The following PSMD14 variants were observed in gnomAD, a reference collection of about 807,000 sequenced individuals.
PSMD14 encodes proteasome 26S subunit, non-ATPase 14.
Under a neutral mutation model 41.2 loss-of-function variants are expected in PSMD14, and 7 were observed. The observed-to-expected ratio is 0.17, with a 90% CI of 0.10 to 0.32. PSMD14 has a LOEUF of 0.32. Among genes scored for constraint, PSMD14 ranks in the 10% least tolerant of loss-of-function variants. PSMD14 has a pLI of 1.00. For missense variants in PSMD14, 139 were observed against 375.6 expected (o/e 0.37, Z 5.21); for synonymous variants, 114 against 122.3 (o/e 0.93, Z 0.45).
chr2:161,350,009 A>C (rs1452310227), intron 3 of PSMD14, among the ~76,000 whole-genome samples: 2 of 152,230 alleles, frequency 1.3e-5, no homozygotes, highest in Non-Finnish European at 2.9e-5. Context: ...GGAACTGGGA[A>C]TGTCCATTTG....
chr2:161,354,431 G>T (rs1234616266), intron 3 of PSMD14, among the ~76,000 whole-genome samples: 1 of 152,082 alleles, frequency 6.6e-6, no homozygotes, highest in East Asian at 1.9e-4. Context: ...GTTTTTTGTA[G>T]AGACGGTTTC....
intron 10 of PSMD14, among the ~76,000 whole-genome samples, chr2:161,407,102 T>G (rs1388829915): frequency 6.6e-6 from 1 of 152,136 alleles, no homozygotes; most frequent in Admixed American, 6.6e-5. Context: ...TAACACTGAA[T>G]GGGTATGGAG....
intron 3 of PSMD14, among the ~76,000 whole-genome samples, chr2:161,320,487 G>A (rs928157462): frequency 6.6e-6 from 1 of 151,962 alleles, no homozygotes; most frequent in Non-Finnish European, 1.5e-5. Flanking sequence ...CTTTTTTGAA[G>A]TTAAAAATCT....
At chr2:161,349,442 A>G (rs571165426) in intron 3 of PSMD14, among the ~76,000 whole-genome samples, 1 of 152,334 alleles carries the variant, frequency 6.6e-6, no homozygotes, top group South Asian at 2.1e-4. Flanking sequence ...GCATTTATTT[A>G]TAAAGAGATT....
At chr2:161,363,094 A>C (rs1461839275) in intron 3 of PSMD14, among the ~76,000 whole-genome samples, 2 of 152,224 alleles carry the variant, frequency 1.3e-5, no homozygotes, top group East Asian at 3.8e-4. Context: ...ACCTCCTGTC[A>C]GATCAGTGGC....
Position 161,310,615 on chromosome 2 carries a change from G to A in PSMD14, c.-138+2011G>A, listed in dbSNP as rs1350150498. 2.0e-5 allele frequency among the ~76,000 whole-genome samples: 3 copies of A among 152,288 alleles called. No individual in the cohort carries two copies. The East Asian group carries it at 5.8e-4, about 29-fold the overall frequency. ...AATAATAACAATTATAACAAGAATA[G>A]CAACGACAACATTTATTGAGTACCT... On this transcript the variant is annotated intron_variant, in intron 1 of 11. Transcript: ENST00000409682.
chr2:161,395,541 C>T (rs1683780700), intron 10 of PSMD14, among the ~76,000 whole-genome samples: 1 of 152,020 alleles, frequency 6.6e-6, no homozygotes, highest in African/African-American at 2.4e-5. Flanking sequence ...GTATTTTTTT[C>T]TTGAAAGGGA....
At chr2:161,309,520 A>G (rs1689065261) in intron 1 of PSMD14, among the ~76,000 whole-genome samples, 1 of 152,196 alleles carries the variant, frequency 6.6e-6, no homozygotes, top group African/African-American at 2.4e-5. Context: ...CAAGACATGC[A>G]CTGATACTGT....
chr2:161,335,572 G>C (rs1265498087), intron 3 of PSMD14, among the ~76,000 whole-genome samples: 1 of 152,306 alleles, frequency 6.6e-6, no homozygotes, highest in African/African-American at 2.4e-5. Context: ...TTAAAGGATG[G>C]CTTGCTTTCC....
At chr2:161,383,045 CT>C (rs76881312) in intron 7 of PSMD14, 507 of 140,944 alleles carry the variant, frequency 3.6e-3, no homozygotes, top group Middle Eastern at 3.6e-3. Flanking sequence ...CTCACTAGGG[CT>C]TTTTTTTTTT....
At chr2:161,390,645 A>G (rs1313485470) in intron 8 of PSMD14, among the ~76,000 whole-genome samples, 2 of 152,168 alleles carry the variant, frequency 1.3e-5, no homozygotes, top group Non-Finnish European at 2.9e-5. Context: ...TGCATAACAT[A>G]ATTATTTGAA....
intron 8 of PSMD14, among the ~76,000 whole-genome samples, chr2:161,390,165 T>TACCTCAGTG (rs1457689515): frequency 6.6e-6 from 1 of 152,078 alleles, no homozygotes; most frequent in East Asian, 1.9e-4. Context: ...CTTCTTCCTC[T>TACCTCAGTG]ACCTCAGTGA....
chr2:161,327,132 A>C (rs1052710862), intron 3 of PSMD14, among the ~76,000 whole-genome samples: 14 of 152,224 alleles, frequency 9.2e-5, no homozygotes, highest in Non-Finnish European at 7.3e-5. Flanking sequence ...CAAATGTTAT[A>C]TGATTCCACT....
At chr2:161,328,566 A>G (rs919277147) in intron 3 of PSMD14, among the ~76,000 whole-genome samples, 2 of 152,136 alleles carry the variant, frequency 1.3e-5, no homozygotes, top group African/African-American at 2.4e-5. Flanking sequence ...CACTAGTCAC[A>G]TGTTTGTTAA....
chr2:161,389,750 A>G (rs529457948), intron 8 of PSMD14, among the ~76,000 whole-genome samples: 31 of 151,756 alleles, frequency 2.0e-4, no homozygotes, highest in Non-Finnish European at 3.7e-4. Context: ...ATTTCCTGAC[A>G]TGTATTGTGG....
chr2:161,352,781 TA>T (rs1292524981), intron 3 of PSMD14, among the ~76,000 whole-genome samples: 1 of 152,182 alleles, frequency 6.6e-6, no homozygotes, highest in Admixed American at 6.6e-5. Context: ...ATTTGAGAAA[TA>T]AAGCAAAATG....
chr2:161,362,009 T>A (rs1158156658), intron 3 of PSMD14, among the ~76,000 whole-genome samples: 1 of 152,170 alleles, frequency 6.6e-6, no homozygotes, highest in Non-Finnish European at 1.5e-5. Context: ...ACTGTCAGTA[T>A]TGTGTTTGGT....
chr2:161,371,329 T>C lies in PSMD14; in HGVS notation c.462+7T>C. 1 of 1,603,756 alleles carries C rather than the reference T, an allele frequency of 6.2e-7. No homozygotes were observed. The highest frequency in any genetic ancestry group is 1.1e-5 in the South Asian group (1 of 89,308). The stretch of plus-strand genomic sequence containing the variant: ...TCAGAGTGTAAAAGGAAAGGTAGAG[T>C]AGATTCTATCTTTATTGCCATCTAC... On this transcript the variant is annotated splice_region_variant and intron_variant, in intron 7 of 11. Coordinates refer to ENST00000409682, the MANE Select transcript of PSMD14 (RefSeq NM_005805.6).
rs963972640 is a variant in PSMD14 at position 161,408,606 on chromosome 2, T to G, written c.772-231T>G. ...AATCATTTAGTGATCCTGTTTGATA[T>G]TTTCAATACTTTCTGTGTATTTCTT... On this transcript the variant is annotated intron_variant, in intron 10 of 11. Transcript: ENST00000409682. The G allele has an allele frequency of 9.0e-6, 4 of 443,562 alleles. No individual in the cohort carries two copies. In the South Asian group the frequency reaches 9.1e-5, roughly 10 times the overall value. 27.5% of individuals were successfully genotyped at this position (443,562 alleles called of 1,614,324 possible).
Sources: allele counts gnomAD v4.1 joint callset (sites outside exome capture counted in the v4.1 genomes callset), GRCh38; gene constraint gnomAD v4.1.1; transcripts MANE v1.5; gene names NCBI Gene and HGNC (gene_info 2026-07-23, HGNC 2026-07-21).